Variants in LETM1 observed in about 807,000 individuals in gnomAD.
The protein encoded by LETM1 is mitochondrial proton/calcium exchanger protein.
Under a neutral mutation model 74.5 loss-of-function variants are expected in LETM1, and 50 were observed. The ratio of observed to expected loss-of-function variants is 0.67; its 90% CI spans 0.53 to 0.85. The LOEUF (loss-of-function observed/expected upper bound fraction) is 0.85. LETM1 is among the 40% of genes least tolerant of loss of function. The probability of loss-of-function intolerance (pLI) is 0.00; values close to 1 mark genes in which losing one functional copy is unlikely to be tolerated. For synonymous variants in LETM1, 446 were observed against 407.1 expected, an observed-to-expected ratio of 1.10 and a Z score of -1.15; for missense variants, 824 against 967.8, an observed-to-expected ratio of 0.85 and a Z score of 1.97.
At chr4:1,848,011 A>T (rs1169770430) in intron 2 of LETM1, among the ~76,000 whole-genome samples, 3 of 147,864 alleles carry the variant, frequency 2.0e-5, no homozygotes, top group African/African-American at 7.4e-5. Context: ...AATAAAAATA[A>T]AAAAAAAAAA....
chr4:1,840,316 G>A (rs1712641749), intron 3 of LETM1, among the ~76,000 whole-genome samples: 2 of 152,112 alleles, frequency 1.3e-5, no homozygotes, highest in South Asian at 4.1e-4. Flanking sequence ...GGCGGAGGTT[G>A]CAGTGAGCCG....
At position 1,833,011 on chromosome 4, in the gene LETM1, A is replaced by G. The variant is rs1712333647; in HGVS notation, c.877-64T>C. ...GCCCACCCGGCTCCCTCCCACGACCAACCACATTCCCAAAGGGTGCTGCCT... is the reference window on the plus strand; with the variant it reads ...GCCCACCCGGCTCCCTCCCACGACCGACCACATTCCCAAAGGGTGCTGCCT... On this transcript the variant is annotated intron_variant, in intron 5 of 13. Transcript: ENST00000302787. The G allele has an allele frequency of 1.1e-5, 16 of 1,444,354 alleles. No individual in the cohort carries two copies. In the South Asian group the frequency reaches 1.3e-4, roughly 11 times the overall value. 89.5% of individuals were successfully genotyped at this position (1,444,354 alleles called of 1,614,324 possible). A position where few individuals can be genotyped will look rare whatever the true frequency, so the allele number is the denominator to read the frequency against.
rs1278217115 is a variant in LETM1, at chr4:1,827,602, G to T, written c.1081-1919C>A. Among the ~76,000 whole-genome samples the T allele has an allele frequency of 6.4e-5, 8 of 125,852 alleles. No individual in the cohort carries two copies. In the South Asian group the frequency reaches 2.3e-3, roughly 37 times the overall value. 82.6% of individuals were successfully genotyped at this position (125,852 alleles called of 152,430 possible). The stretch of plus-strand genomic sequence containing the variant: ...ACATGTTTCAGAGAGCACAGGGTTG[G>T]GGGTAAGGTCACAGATCAACAGGAT... On this transcript the variant is annotated intron_variant, in intron 6 of 13. Coordinates refer to ENST00000302787, the MANE Select transcript of LETM1 (RefSeq NM_012318.3).
At chr4:1,829,340 C>A (rs1220823402) in intron 6 of LETM1, among the ~76,000 whole-genome samples, 4 of 139,742 alleles carry the variant, frequency 2.9e-5, no homozygotes, top group African/African-American at 5.5e-5. Context: ...GCTGGCCAGG[C>A]GGAGGGCTGA....
chr4:1,855,737 C>T, intron 1 of LETM1, 132 bp downstream of exon 1: 3 of 510,386 alleles, frequency 5.9e-6, no homozygotes, highest in Admixed American at 9.7e-5. Context: ...CCCACGGTCC[C>T]GCAGGGGCTC....
In LETM1 at chr4:1,836,420, T is replaced by C; in HGVS notation, c.738+9A>G. 1 of 1,613,732 alleles carries C rather than the reference T, an allele frequency of 6.2e-7. No homozygotes were observed. The highest frequency in any genetic ancestry group is 8.5e-7 in the Non-Finnish European group (1 of 1,179,754). ...ATTCTAAAACAAGCAGTTGGGATGC[T>C]GCCCTTACCTTGAGTGACTGAGTCT... is the stretch of plus-strand genomic sequence containing the variant. On this transcript the variant is annotated intron_variant, in intron 4 of 13. Transcript: ENST00000302787. The surrounding 1 kb of genome is among the most constrained non-coding windows in gnomAD (Gnocchi z 5.8).
chr4:1,819,419 C>T lies in LETM1; in HGVS notation c.1662G>A (p.Lys554=). 2 of 1,613,940 alleles carry T rather than the reference C, an allele frequency of 1.2e-6. No individual in the cohort carries two copies. The highest frequency in any genetic ancestry group is 1.7e-6 in the Non-Finnish European group (2 of 1,179,926). ...EIDILSDACS[K]LQEQKKSLTK... is the part of the protein sequence containing the mutation. Reference sequence around the variant, plus strand: ...TGAGTGACTTCTTCTGCTCCTGCAGCTTAGAGCAGGCATCGCTGAGGATGT... The same window carrying T: ...TGAGTGACTTCTTCTGCTCCTGCAGTTTAGAGCAGGCATCGCTGAGGATGT... Residue 554 remains lysine, a synonymous_variant, in exon 11 of 14, where the codon AAG becomes AAA. Transcript: ENST00000302787.
At chr4:1,820,790 G>A (rs576109778) in intron 10 of LETM1, among the ~76,000 whole-genome samples, 5 of 152,330 alleles carry the variant, frequency 3.3e-5, no homozygotes, top group East Asian at 3.9e-4. Flanking sequence ...TTGGGAGGTC[G>A]AGGTGGGAGG....
At chr4:1,823,256 A>T (rs1219555736) in intron 8 of LETM1, 125 bp from the exon 9 acceptor site, 35 of 1,289,076 alleles carry the variant, frequency 2.7e-5, no homozygotes, top group Non-Finnish European at 3.7e-5. Context: ...CACACAGGAC[A>T]GAAGGCACTG....
Position 1,849,197 on chromosome 4 carries a change from T to A in LETM1, c.95A>T (p.Asp32Val), listed in dbSNP as rs764576993. The change falls in exon 2 of 14, where the codon GAT becomes GTT. Residue 32 changes from aspartate (D) to valine (V), a missense_variant. Physicochemically the swap from Asp to Val is radical, Grantham distance 152 (BLOSUM62 -3). This residue lies in a region of LETM1 where 222 missense variants were observed against 195.6 expected (regional missense o/e 1.14). Transcript: ENST00000302787. The part of the protein sequence containing the change: ...RYTVPRGSPG[D>V]PAHLSCASTL... The stretch of plus-strand genomic sequence containing the variant: ...GCTGGCACAGCTGAGATGAGCAGGA[T>A]CCCCTGGACTACCTGTAACAGGAAC... 1 of 1,612,394 alleles carries A rather than the reference T, an allele frequency of 6.2e-7. No homozygotes were observed. Among genetic ancestry groups the A allele is most frequent in the Admixed American group, 1.7e-5 (1 of 60,014 alleles).
Position 1,814,375 on chromosome 4 carries a change from T to C in LETM1, c.*49A>G, listed in dbSNP as rs752171439. ...CACAAAGCAATCGCCCTCACGGCCC[T>C]TGCCAGGGTGACGGCACAGCAGGAG... On this transcript the variant is annotated 3_prime_UTR_variant, in exon 14 of 14. Transcript: ENST00000302787. 54 of 1,613,088 alleles carry C rather than the reference T, an allele frequency of 3.3e-5. No homozygotes were observed. The highest frequency in any genetic ancestry group is 3.9e-5 in the Non-Finnish European group (46 of 1,179,238).
At chr4:1,815,538 C>T in intron 13 of LETM1, 126 bp downstream of exon 13, 2 of 1,000,658 alleles carry the variant, frequency 2.0e-6, no homozygotes, top group South Asian at 1.6e-5. Flanking sequence ...CAGTGACAGA[C>T]CCAAACCCCT....
chr4:1,819,306 G>A, intron 11 of LETM1, 32 bp downstream of exon 11: 1 of 1,583,720 alleles, frequency 6.3e-7, no homozygotes, highest in Non-Finnish European at 8.6e-7. Flanking sequence ...TCTTCTTGCA[G>A]TCTCAGAGTC....
intron 2 of LETM1, among the ~76,000 whole-genome samples, chr4:1,842,560 G>A (rs774208769): frequency 5.3e-5 from 8 of 152,202 alleles, no homozygotes; most frequent in African/African-American, 1.7e-4. Flanking sequence ...ACATCTGGCC[G>A]TCTTAGAGAC....
At chr4:1,850,360 AAGCCAAGCAGGCC>A (rs1410100991) in intron 1 of LETM1, among the ~76,000 whole-genome samples, 1 of 152,112 alleles carries the variant, frequency 6.6e-6, no homozygotes, top group African/African-American at 2.4e-5. Flanking sequence ...CCCAAGAGGG[AAGCCAAGCAGGCC>A]AGCCCTAGGG....
chr4:1,829,842 A>T (rs1712205868), intron 6 of LETM1, among the ~76,000 whole-genome samples: 1 of 152,208 alleles, frequency 6.6e-6, no homozygotes, highest in Non-Finnish European at 1.5e-5. Context: ...ACCCAAAAAA[A>T]GACCTGGCAT....
intron 1 of LETM1, among the ~76,000 whole-genome samples, 198 bp downstream of exon 1, chr4:1,855,671 G>C (rs1235582131): frequency 6.6e-6 from 1 of 152,328 alleles, no homozygotes; most frequent in East Asian, 1.9e-4. Flanking sequence ...ACACACGGCA[G>C]AGGCCCAGCG....
intron 6 of LETM1, among the ~76,000 whole-genome samples, chr4:1,826,027 A>G (rs1002768854): frequency 6.6e-6 from 1 of 152,138 alleles, no homozygotes; most frequent in African/African-American, 2.4e-5. Flanking sequence ...GATGGAAAAG[A>G]AGGAGGGATG....
At position 1,825,376 on chromosome 4, in the gene LETM1, C is replaced by A. The variant is rs181558380; in HGVS notation, c.1200+188G>T. On this transcript the variant is annotated intron_variant, in intron 7 of 13. Transcript: ENST00000302787. ...CAAAAGGCAATGAAAGGTGCGAATG[C>A]AGGGGTGTGAGTGCGGTAGGAGCAG... 1.3e-3 allele frequency among the ~76,000 whole-genome samples: 201 copies of A among 152,344 alleles called. 1 individual carries two copies. The highest frequency in any genetic ancestry group is 4.6e-3 in the African/African-American group (191 of 41,578).
Sources: allele counts gnomAD v4.1 joint callset (sites outside exome capture counted in the v4.1 genomes callset), GRCh38; gene constraint gnomAD v4.1.1; regional missense constraint gnomAD v4.1.1; non-coding constraint Gnocchi (gnomAD v3.1); transcripts MANE v1.5; gene names NCBI Gene and HGNC (gene_info 2026-07-23, HGNC 2026-07-21).